ITGA6: variants seen among roughly 807,000 people sequenced by gnomAD.
ITGA6 encodes the protein integrin subunit alpha 6.
ITGA6 carries 63 observed loss-of-function variants against 133.6 expected under a neutral mutation model. The observed-to-expected ratio is 0.47, with a 90% CI of 0.38 to 0.58. The LOEUF (loss-of-function observed/expected upper bound fraction) is 0.58. ITGA6 is among the 20% of genes least tolerant of loss of function. ITGA6 has a pLI of 0.00. For synonymous variants in ITGA6, 434 were observed against 482.0 expected (o/e 0.90, Z 1.30); for missense variants, 1,068 against 1,309.4 (o/e 0.82, Z 2.85).
chr2:172,466,903 T>G (rs1365488007), intron 2 of ITGA6, among the ~76,000 whole-genome samples: 1 of 152,214 alleles, frequency 6.6e-6, no homozygotes, highest in Non-Finnish European at 1.5e-5. Context: ...AATGAGCACC[T>G]GGTGGTGTTT....
chr2:172,458,365 A>G (rs1685300151), intron 1 of ITGA6, among the ~76,000 whole-genome samples: 1 of 151,308 alleles, frequency 6.6e-6, no homozygotes, highest in African/African-American at 2.4e-5. Flanking sequence ...TCAGCCTCCC[A>G]GATAGCTGGG....
intron 11 of ITGA6, among the ~76,000 whole-genome samples, chr2:172,480,426 G>T (rs1483948520): frequency 6.6e-6 from 1 of 152,138 alleles, no homozygotes; most frequent in Non-Finnish European, 1.5e-5. Context: ...GTGGTGGCTG[G>T]TGGTTGTGAA....
chr2:172,457,163 G>A (rs1384750785), intron 1 of ITGA6, among the ~76,000 whole-genome samples: 1 of 151,694 alleles, frequency 6.6e-6, no homozygotes, highest in Non-Finnish European at 1.5e-5. Flanking sequence ...GCTTGGTGGC[G>A]GGCACCTGTA....
intron 1 of ITGA6, among the ~76,000 whole-genome samples, chr2:172,459,182 T>C (rs566041121): frequency 2.6e-5 from 4 of 152,318 alleles, no homozygotes; most frequent in South Asian, 2.1e-4. Context: ...CTCACCATCA[T>C]GCTGTTGAGA....
chr2:172,465,781 C>G, intron 2 of ITGA6, 118 bp downstream of exon 2: 1 of 1,331,410 alleles, frequency 7.5e-7, no homozygotes, highest in Non-Finnish European at 1.1e-6. Context: ...TTAATTGCAT[C>G]AGACTTGACT....
intron 3 of ITGA6, 58 bp from the exon 4 acceptor site, chr2:172,469,066 AT>A: frequency 1.9e-6 from 3 of 1,589,792 alleles, no homozygotes; most frequent in Non-Finnish European, 2.6e-6. Flanking sequence ...TTCATATGTA[AT>A]TTTTTAAAAA....
intron 23 of ITGA6, among the ~76,000 whole-genome samples, chr2:172,495,114 A>G (rs1312950525): frequency 1.3e-5 from 2 of 152,230 alleles, no homozygotes; most frequent in African/African-American, 2.4e-5. Context: ...ATGAAGTTCA[A>G]TGAGAACAGT....
chr2:172,475,625 CT>C lies in ITGA6; in HGVS notation c.1211del (p.Leu404TrpfsTer14). The C allele has an allele frequency of 6.2e-7, 1 of 1,607,280 alleles. No individual in the cohort carries two copies. Among genetic ancestry groups the C allele is most frequent in the South Asian group, 1.1e-5 (1 of 90,956 alleles). On this transcript the variant is annotated frameshift_variant, in exon 8 of 26. Transcript: ENST00000684293. LOFTEE classifies it high-confidence loss of function. ...TTGCAGTTGGAGCTCCGTATGATGACTTGGGAAAGGTTTTTATCTATCATGG... is the reference window on the plus strand; with the variant it reads ...TTGCAGTTGGAGCTCCGTATGATGACTGGGAAAGGTTTTTATCTATCATGG... ...DIAVGAPYDD[L>X]GKVFIYHGSA...
At chr2:172,489,367 TGC>T in intron 19 of ITGA6, 116 bp from the exon 20 acceptor site, 2 of 800,100 alleles carry the variant, frequency 2.5e-6, no homozygotes, top group Admixed American at 2.3e-5. Context: ...TTGGAGCCTG[TGC>T]TTTTATTATA....
At chr2:172,493,841 C>T (rs1225744724) in intron 23 of ITGA6, among the ~76,000 whole-genome samples, 1 of 152,188 alleles carries the variant, frequency 6.6e-6, no homozygotes, top group Non-Finnish European at 1.5e-5. Flanking sequence ...TGATGGAACT[C>T]TGGGGGCCCT....
Position 172,433,305 on chromosome 2 carries a change from G to A in ITGA6, c.182+5335G>A, listed in dbSNP as rs533703549. On this transcript the variant is annotated intron_variant, in intron 1 of 25. Transcript: ENST00000684293. ...TCTCAGCCCAGCCTAGATCTGTTAC[G>A]TCAGTTTCCATAAGTGTGCTCCAAG... Among the ~76,000 whole-genome samples the A allele has an allele frequency of 3.3e-5, 5 of 152,210 alleles. No individual in the cohort carries two copies. The South Asian group carries it at 6.2e-4, about 19-fold the overall frequency.
intron 23 of ITGA6, among the ~76,000 whole-genome samples, chr2:172,492,574 A>T (rs1185173833): frequency 6.6e-6 from 1 of 152,208 alleles, no homozygotes; most frequent in Non-Finnish European, 1.5e-5. Context: ...GTAATGACAA[A>T]TATGTTGAAT....
chr2:172,501,788 G>A lies in ITGA6; in HGVS notation c.3131G>A (p.Arg1044Lys), dbSNP rs372060908. ...FILWKCGFFK[R>K]NKKDHYDATY... Reference sequence around the variant, plus strand: ...TCCTTGTAGTGTGGTTTCTTCAAGAGAAATAAGAAAGATCATTATGATGCC... The same window carrying A: ...TCCTTGTAGTGTGGTTTCTTCAAGAAAAATAAGAAAGATCATTATGATGCC... Residue 1044 changes from arginine to lysine, a missense_variant, in exon 25 of 26, where the codon AGA (arginine) becomes AAA (lysine). Arg to Lys is a conservative substitution (Grantham distance 26). This residue lies in a region of ITGA6 where 609 missense variants were observed against 707.2 expected (regional missense o/e 0.86). Transcript: ENST00000684293. The A allele has an allele frequency of 3.3e-5, 54 of 1,612,576 alleles. No homozygotes were observed. The highest frequency in any genetic ancestry group is 4.6e-5 in the Non-Finnish European group (54 of 1,179,566).
chr2:172,458,921 A>T (rs1345283123), intron 1 of ITGA6, among the ~76,000 whole-genome samples: 3 of 152,184 alleles, frequency 2.0e-5, no homozygotes, highest in African/African-American at 4.8e-5. Context: ...GAAGACTGCA[A>T]ATGTGACTAC....
chr2:172,468,162 A>C (rs1044516700), intron 3 of ITGA6, among the ~76,000 whole-genome samples: 2 of 152,220 alleles, frequency 1.3e-5, no homozygotes, highest in African/African-American at 4.8e-5. Flanking sequence ...TTGGAATTTT[A>C]TAGCTTTATA....
intron 16 of ITGA6, 31 bp from the exon 17 acceptor site, chr2:172,487,697 C>G (rs1686750756): frequency 1.3e-6 from 2 of 1,591,130 alleles, no homozygotes; most frequent in East Asian, 4.5e-5. Context: ...GTATGCATGG[C>G]CTGTGTTAAC....
At chr2:172,474,405 A>G (rs1300101686) in intron 6 of ITGA6, 140 bp downstream of exon 6, 2 of 748,310 alleles carry the variant, frequency 2.7e-6, no homozygotes, top group African/African-American at 1.7e-5. Flanking sequence ...GCCTATCTTT[A>G]TCATTTCTAT....
intron 1 of ITGA6, among the ~76,000 whole-genome samples, chr2:172,448,212 A>C (rs1311211768): frequency 6.6e-6 from 1 of 152,156 alleles, no homozygotes; most frequent in African/African-American, 2.4e-5. Flanking sequence ...TGCCTTTAGC[A>C]CAGATCTCAA....
chr2:172,501,971 C>T (rs754447012), intron 25 of ITGA6, 70 bp downstream of exon 25: 10 of 1,362,694 alleles, frequency 7.3e-6, no homozygotes, highest in Admixed American at 1.9e-5. Flanking sequence ...ACTTTAAGAA[C>T]AACAGCTTGC....
Sources: allele counts gnomAD v4.1 joint callset (sites outside exome capture counted in the v4.1 genomes callset), GRCh38; gene constraint gnomAD v4.1.1; regional missense constraint gnomAD v4.1.1; transcripts MANE v1.5; gene names NCBI Gene and HGNC (gene_info 2026-07-23, HGNC 2026-07-21).